The following NUP214 variants were observed in gnomAD, a reference collection of about 807,000 sequenced individuals.
NUP214 encodes the protein nucleoporin 214.
A neutral mutation model predicts 196.2 loss-of-function variants in NUP214; 79 were observed. The observed-to-expected ratio is 0.40, with a 90% CI of 0.34 to 0.49. The LOEUF (loss-of-function observed/expected upper bound fraction) is 0.49. Among genes scored for constraint, NUP214 ranks in the 20% least tolerant of loss-of-function variants. NUP214 has a pLI of 0.58. For missense variants in NUP214, 2,468 were observed against 2,539.0 expected, an observed-to-expected ratio of 0.97 and a Z score of 0.60; for synonymous variants, 1,020 against 990.5, an observed-to-expected ratio of 1.03 and a Z score of -0.56.
intron 32 of NUP214, among the ~76,000 whole-genome samples, chr9:131,223,319 A>G (rs1303380380): frequency 6.6e-6 from 1 of 152,120 alleles, no homozygotes; most frequent in East Asian, 1.9e-4. Context: ...GGCATGTGCC[A>G]CCATGCCCAG....
At chr9:131,162,733 G>A in intron 18 of NUP214, 1 of 437,290 alleles carries the variant, frequency 2.3e-6, no homozygotes, top group Non-Finnish European at 4.0e-6. Flanking sequence ...CCTCTCTCAG[G>A]TTTCACCTAA....
intron 18 of NUP214, among the ~76,000 whole-genome samples, chr9:131,162,248 C>A (rs937767319): frequency 1.3e-5 from 2 of 152,126 alleles, no homozygotes; most frequent in African/African-American, 4.8e-5. Context: ...ACCAAAATGT[C>A]GTTATGTGGC....
chr9:131,177,137 A>G (rs1833142527), intron 23 of NUP214, among the ~76,000 whole-genome samples: 5 of 152,214 alleles, frequency 3.3e-5, no homozygotes, highest in African/African-American at 1.2e-4. Flanking sequence ...AAAAGACATA[A>G]TAGTTTGATT....
At chr9:131,173,471 GT>G (rs1385857267) in intron 21 of NUP214, among the ~76,000 whole-genome samples, 1 of 145,694 alleles carries the variant, frequency 6.9e-6, no homozygotes, top group Non-Finnish European at 1.5e-5. Context: ...GCTTCAAGCA[GT>G]CCTCCTGCCT....
chr9:131,201,798 G>A (rs1833948943), intron 30 of NUP214, 81 bp downstream of exon 30: 1 of 1,192,230 alleles, frequency 8.4e-7, no homozygotes, highest in East Asian at 2.3e-5. Flanking sequence ...GTCAGTTCGT[G>A]TTGTATATCT....
chr9:131,174,641 G>T (rs1226034395), intron 22 of NUP214, among the ~76,000 whole-genome samples: 4 of 151,758 alleles, frequency 2.6e-5, no homozygotes, highest in Non-Finnish European at 5.9e-5. Context: ...TGGAGACGGG[G>T]TTTCACCATG....
chr9:131,198,445 G>T lies in NUP214; in HGVS notation c.4951G>T (p.Ala1651Ser). 1 of 1,614,226 alleles carries T rather than the reference G, an allele frequency of 6.2e-7. No individual in the cohort carries two copies. Among genetic ancestry groups the T allele is most frequent in the Non-Finnish European group, 8.5e-7 (1 of 1,180,038 alleles). Residue 1651 changes from alanine to serine, a missense_variant, in exon 29 of 36, where the codon GCC (alanine) becomes TCC (serine). Physicochemically the swap from Ala to Ser is moderately conservative, Grantham distance 99 (BLOSUM62 1). This residue lies in a region of NUP214 where 1,801 missense variants were observed against 1,779.4 expected (regional missense o/e 1.01). Transcript: ENST00000359428. ...ATCCGTCTTTGCTCAGCCTCCTGCT[G>T]CCAGTTCTAGCTCAGCTTTCAACCA... is the stretch of plus-strand genomic sequence containing the variant. Reference protein sequence around the residue: ...GSSVFAQPPAASSSSAFNQLT... With the variant: ...GSSVFAQPPASSSSSAFNQLT...
chr9:131,162,876 G>C, intron 18 of NUP214, 115 bp from the exon 19 acceptor site: 2 of 942,346 alleles, frequency 2.1e-6, no homozygotes, highest in South Asian at 1.5e-5. Context: ...GTCCAGTGCT[G>C]GTTCTCCATT....
In NUP214 at chr9:131,197,997, G is replaced by T. The variant is rs768037605; in HGVS notation, c.4503G>T (p.Leu1501Phe). 1 of 1,614,180 alleles carries T rather than the reference G, an allele frequency of 6.2e-7. No homozygotes were observed. Among genetic ancestry groups the T allele is most frequent in the East Asian group, 2.2e-5 (1 of 44,880 alleles). Residue 1501 changes from leucine to phenylalanine, a missense_variant, in exon 29 of 36, where the codon TTG (leucine) becomes TTT (phenylalanine). Transcript: ENST00000359428. ...CAGAAGAGGCCACTTCATCAGCTTT[G>T]CCTGAGAAGCCAGGTGACAGTGAGG... ...RSTEEATSSA[L>F]PEKPGDSEVS...
chr9:131,175,837 C>A, intron 23 of NUP214: 1 of 576,450 alleles, frequency 1.7e-6, no homozygotes, highest in Non-Finnish European at 2.7e-6. Context: ...TTAGAACTGC[C>A]ACATTTAGTT....
Position 131,234,441 on chromosome 9 carries a change from GTA to G in NUP214, c.*956_*957del, listed in dbSNP as rs1205250520. ...AGAGTGCTTCTTTATCTTTAATGCA[GTA>G]TCTTTGAGGCCTGTAACATCCTAGA... On this transcript the variant is annotated 3_prime_UTR_variant, in exon 36 of 36. Coordinates refer to ENST00000359428, the MANE Select transcript of NUP214 (RefSeq NM_005085.4). 1 of 231,882 alleles carries G rather than the reference GTA, an allele frequency of 4.3e-6. No homozygotes were observed. Among genetic ancestry groups the G allele is most frequent in the African/African-American group, 2.2e-5 (1 of 45,222 alleles). 14.4% of individuals were successfully genotyped at this position (231,882 alleles called of 1,614,324 possible).
chr9:131,156,514 C>T (rs1273502465), intron 17 of NUP214, among the ~76,000 whole-genome samples: 1 of 150,316 alleles, frequency 6.7e-6, no homozygotes, highest in African/African-American at 2.4e-5. Context: ...TTGTAGTTTT[C>T]CTTGTAGAGG....
chr9:131,175,328 A>T, intron 22 of NUP214, 132 bp from the exon 23 acceptor site: 1 of 1,026,272 alleles, frequency 9.7e-7, no homozygotes, highest in Non-Finnish European at 1.4e-6. Context: ...CTGTTAGTTT[A>T]CTGGTACTTT....
intron 31 of NUP214, among the ~76,000 whole-genome samples, chr9:131,218,037 C>T (rs1834451112): frequency 6.6e-6 from 1 of 152,206 alleles, no homozygotes; most frequent in Non-Finnish European, 1.5e-5. Flanking sequence ...GCTGATTCTT[C>T]TAATTCTGGT....
Position 131,135,955 on chromosome 9 carries a change from A to G in NUP214, c.954A>G (p.Ala318=), listed in dbSNP as rs758392989. The change falls in exon 9 of 36, where the codon GCA becomes GCG. Residue 318 remains alanine, a synonymous_variant. Coordinates refer to ENST00000359428, the MANE Select transcript of NUP214 (RefSeq NM_005085.4). ...SYIEEWDLVL[A]ASAASTEVSI... ...ATTCTTTAAGGGATTTAGTGCTGGC[A>G]GCATCTGCGGCTTCAACAGAAGTTA... 1.6e-5 allele frequency: 26 copies of G among 1,613,800 alleles called. No homozygotes were observed. Among genetic ancestry groups the G allele is most frequent in the Non-Finnish European group, 2.1e-5 (25 of 1,179,758 alleles).
At chr9:131,166,763 T>C (rs1832796749) in intron 21 of NUP214, among the ~76,000 whole-genome samples, 2 of 152,188 alleles carry the variant, frequency 1.3e-5, no homozygotes, top group South Asian at 4.1e-4. Context: ...CTTTGCCTTT[T>C]TTTTTTAATT....
intron 18 of NUP214, among the ~76,000 whole-genome samples, chr9:131,161,259 CTT>C (rs34588166): frequency 5.1e-4 from 69 of 136,132 alleles, no homozygotes; most frequent in Non-Finnish European, 6.4e-4. Flanking sequence ...ATTGAAATGC[CTT>C]TTTTTTTTTT....
chr9:131,143,899 T>C (rs1832005130), intron 11 of NUP214, among the ~76,000 whole-genome samples: 1 of 152,220 alleles, frequency 6.6e-6, no homozygotes, highest in Non-Finnish European at 1.5e-5. Context: ...TGTTTTGAGA[T>C]ACCTGTATTT....
chr9:131,199,049 C>A, intron 29 of NUP214, 34 bp downstream of exon 29: 1 of 1,543,928 alleles, frequency 6.5e-7, no homozygotes, highest in South Asian at 1.3e-5. Flanking sequence ...ACTTGTTTCC[C>A]TCTCTGCTAT....
Sources: gnomAD v4.1 joint callset for allele counts (sites outside exome capture counted in the v4.1 genomes callset) on GRCh38, gnomAD v4.1.1 for gene constraint, gnomAD v4.1.1 regional missense constraint, MANE v1.5 for transcripts, NCBI Gene and HGNC (gene_info 2026-07-23, HGNC 2026-07-21) for gene names.